The following HS2ST1 variants were observed in gnomAD, a reference collection of about 807,000 sequenced individuals.
HS2ST1 encodes the protein 2-O-sulfotransferase.
HS2ST1 carries 18 observed loss-of-function variants against 42.9 expected under a neutral mutation model. The observed-to-expected ratio is 0.42, with a 90% confidence interval of 0.29 to 0.62. The LOEUF is 0.62. Ranked by LOEUF, HS2ST1 falls within the 20% of genes least tolerant of loss-of-function variation. The pLI is 0.21. For synonymous variants in HS2ST1, 146 were observed against 152.9 expected, an observed-to-expected ratio of 0.95 and a Z score of 0.33; for missense variants, 334 against 433.8, an observed-to-expected ratio of 0.77 and a Z score of 2.04.
At chr1:86,958,557 A>G (rs1557493574) in intron 1 of HS2ST1, 1 of 152,248 alleles carries the variant, frequency 6.6e-6, no homozygotes, top group South Asian at 2.1e-4. Context: ...GGTCAACTAC[A>G]GTGTTATTTT....
intron 1 of HS2ST1, among the ~76,000 whole-genome samples, chr1:87,002,207 C>T (rs545274173): frequency 5.2e-4 from 79 of 152,288 alleles, no homozygotes; most frequent in African/African-American, 1.8e-3. Context: ...CCACCGTGCC[C>T]GGCCGGACTA....
chr1:86,939,771 T>C (rs1660725863), intron 1 of HS2ST1, among the ~76,000 whole-genome samples: 1 of 152,232 alleles, frequency 6.6e-6, no homozygotes, highest in Admixed American at 6.5e-5. Flanking sequence ...ATATCATGAA[T>C]GTGTAAAATG....
intron 1 of HS2ST1, among the ~76,000 whole-genome samples, chr1:86,999,294 T>G (rs1649205536): frequency 6.6e-6 from 1 of 152,140 alleles, no homozygotes; most frequent in South Asian, 2.1e-4. Context: ...TTCTCCTGCC[T>G]CAGCCTCCCA....
chr1:87,007,098 T>C (rs967698119), intron 1 of HS2ST1, among the ~76,000 whole-genome samples: 9 of 152,126 alleles, frequency 5.9e-5, no homozygotes, highest in Non-Finnish European at 1.0e-4. Flanking sequence ...GTATAGATTA[T>C]ACCTAAATAA....
chr1:86,961,290 G>T (rs978675208), intron 1 of HS2ST1, among the ~76,000 whole-genome samples: 1 of 151,956 alleles, frequency 6.6e-6, no homozygotes, highest in African/African-American at 2.4e-5. Flanking sequence ...CTACAGATGT[G>T]ATGAATATTA....
chr1:86,927,340 T>G (rs888937900), intron 1 of HS2ST1, among the ~76,000 whole-genome samples: 5 of 152,202 alleles, frequency 3.3e-5, no homozygotes, highest in African/African-American at 1.2e-4. Context: ...GTAGTTAGGT[T>G]GTGCTGAACC....
chr1:86,926,067 G>A (rs1002138490), intron 1 of HS2ST1, among the ~76,000 whole-genome samples: 6 of 152,130 alleles, frequency 3.9e-5, no homozygotes, highest in African/African-American at 4.8e-5. Context: ...TTTTAAGTTT[G>A]TTTGATGGCA....
chr1:86,920,491 T>A (rs937787499), intron 1 of HS2ST1, among the ~76,000 whole-genome samples: 1 of 139,998 alleles, frequency 7.1e-6, no homozygotes, highest in Non-Finnish European at 1.5e-5. Context: ...ATTCTAGAAT[T>A]GGTAATTGGT....
chr1:87,101,054 T>C (rs1652184583), intron 5 of HS2ST1, among the ~76,000 whole-genome samples: 1 of 151,150 alleles, frequency 6.6e-6, no homozygotes, highest in African/African-American at 2.4e-5. Flanking sequence ...GATTGTAGCC[T>C]CTTAGACACA....
intron 1 of HS2ST1, among the ~76,000 whole-genome samples, chr1:86,963,805 C>A (rs536838566): frequency 0.027 from 3,821 of 140,054 alleles, 178 homozygotes; most frequent in African/African-American, 0.11. Flanking sequence ...CCCACCTCCC[C>A]CCCTGGACGG....
At chr1:86,965,077 C>T (rs1413706709) in intron 1 of HS2ST1, among the ~76,000 whole-genome samples, 1 of 152,152 alleles carries the variant, frequency 6.6e-6, no homozygotes, top group African/African-American at 2.4e-5. Flanking sequence ...AAGTGATCCC[C>T]TTAATTTCAG....
intron 1 of HS2ST1, among the ~76,000 whole-genome samples, chr1:86,922,951 A>G (rs892641965): frequency 2.6e-5 from 4 of 152,124 alleles, no homozygotes. Flanking sequence ...AGGAACTCAA[A>G]ATACACTTAC....
intron 1 of HS2ST1, among the ~76,000 whole-genome samples, chr1:87,053,494 T>C (rs571457209): frequency 6.6e-6 from 1 of 152,340 alleles, no homozygotes; most frequent in South Asian, 2.1e-4. Context: ...TTTAATGTCT[T>C]CCTGAATAAT....
intron 1 of HS2ST1, chr1:87,046,256 G>T: frequency 1.3e-6 from 1 of 783,878 alleles, no homozygotes; most frequent in South Asian, 1.3e-5. Flanking sequence ...GTGTGACCAA[G>T]TGTTACGAAT....
intron 1 of HS2ST1, among the ~76,000 whole-genome samples, chr1:87,070,338 C>G (rs1651371042): frequency 6.6e-6 from 1 of 152,138 alleles, no homozygotes; most frequent in Non-Finnish European, 1.5e-5. Context: ...CACCTACAAT[C>G]CCAACACCTT....
intron 1 of HS2ST1, among the ~76,000 whole-genome samples, chr1:86,934,161 T>G (rs1660597226): frequency 6.6e-6 from 1 of 152,176 alleles, no homozygotes; most frequent in Non-Finnish European, 1.5e-5. Flanking sequence ...TGTATTTCTC[T>G]TCCCACAAGT....
chr1:86,981,252 T>TA (rs1318905978), intron 1 of HS2ST1, among the ~76,000 whole-genome samples: 7 of 152,166 alleles, frequency 4.6e-5, no homozygotes, highest in Non-Finnish European at 1.5e-5. Flanking sequence ...ACATGGGAAT[T>TA]ACAATTTGAG....
At chr1:87,004,291 T>C (rs1305732308) in intron 1 of HS2ST1, among the ~76,000 whole-genome samples, 1 of 152,064 alleles carries the variant, frequency 6.6e-6, no homozygotes, top group East Asian at 1.9e-4. Context: ...CTTGGGAGGC[T>C]GAGGCAGTAG....
chr1:86,950,200 A>G lies in HS2ST1; in HGVS notation c.124+35040A>G, dbSNP rs191071787. ...GATATGGTGCGCTGAGAAGAGTACA[A>G]CTTCACCTGTTTGGTACTTAATGCC... On this transcript the variant is annotated intron_variant, in intron 1 of 6. Transcript: ENST00000370550. 1.6e-4 allele frequency among the ~76,000 whole-genome samples: 24 copies of G among 152,340 alleles called. No individual in the cohort carries two copies. In the East Asian group the frequency reaches 4.2e-3, roughly 27 times the overall value.
Sources: allele counts gnomAD v4.1 joint callset (sites outside exome capture counted in the v4.1 genomes callset), GRCh38; gene constraint gnomAD v4.1.1; transcripts MANE v1.5; gene names NCBI Gene and HGNC (gene_info 2026-07-23, HGNC 2026-07-21).